Variants in ACACB observed in about 807,000 individuals in gnomAD.
ACACB encodes acetyl-CoA carboxylase beta.
In ACACB, 209 loss-of-function variants were observed where a neutral mutation model predicts 278.8. The ratio of observed to expected loss-of-function variants is 0.75; its 90% CI spans 0.67 to 0.84. The LOEUF is 0.84. Among genes scored for constraint, ACACB ranks in the 40% least tolerant of loss-of-function variants. The probability of loss-of-function intolerance (pLI) is 0.00; values close to 1 mark genes in which losing one functional copy is unlikely to be tolerated. For synonymous variants in ACACB, 1,174 were observed against 1,285.6 expected (o/e 0.91, Z 1.86); for missense variants, 2,850 against 3,269.0 (o/e 0.87, Z 3.13).
chr12:109,238,822 C>G (rs1296117277), intron 34 of ACACB, among the ~76,000 whole-genome samples: 1 of 151,946 alleles, frequency 6.6e-6, no homozygotes. Context: ...ACTTCGGCCT[C>G]CCAAAGTGCT....
chr12:109,263,916 AG>A (rs1317721643), intron 49 of ACACB: 2 of 258,378 alleles, frequency 7.7e-6, no homozygotes, highest in Non-Finnish European at 1.5e-5. Context: ...GAAAATGTAG[AG>A]TTGCATGTTG....
intron 6 of ACACB, 26 bp downstream of exon 6, chr12:109,172,382 T>TGGGAATTG: frequency 6.2e-7 from 1 of 1,606,316 alleles, no homozygotes; most frequent in Non-Finnish European, 8.5e-7. Flanking sequence ...ATCAGATACA[T>TGGGAATTG]GGGAATTGGG....
In ACACB at chr12:109,254,243, A is replaced by G; in HGVS notation, c.6075A>G (p.Thr2025=). The G allele has an allele frequency of 6.2e-7, 1 of 1,613,686 alleles. No individual in the cohort carries two copies. The highest frequency in any genetic ancestry group is 8.5e-7 in the Non-Finnish European group (1 of 1,179,842). Residue 2025 remains threonine (T), a synonymous_variant, in exon 44 of 53, where the codon ACA becomes ACG. Coordinates refer to ENST00000338432, the MANE Select transcript of ACACB (RefSeq NM_001093.4). ...ATCACAGCCCTGTCCCTATCATCAC[A>G]CCCACTGACCCCATTGACAGAGAAA... ...KDNHSPVPII[T]PTDPIDREIE...
At chr12:109,116,975 A>G (rs1314039348) in intron 1 of ACACB, among the ~76,000 whole-genome samples, 5 of 151,624 alleles carry the variant, frequency 3.3e-5, no homozygotes, top group Admixed American at 2.6e-4. Context: ...TTTATAAACA[A>G]TTCTGTTTTT....
chr12:109,199,432 T>C lies in ACACB; in HGVS notation c.2658T>C (p.Cys886=). Residue 886 remains cysteine (C), a synonymous_variant, in exon 18 of 53, where the codon TGT becomes TGC. Transcript: ENST00000338432. The stretch of plus-strand genomic sequence containing the variant: ...GAATTACCATCGGCAATAAGACGTG[T>C]GTGTTTGAGAAGGAGAACGATCCTA... The part of the protein sequence containing the change: ...SYRITIGNKT[C]VFEKENDPTV... 1.3e-6 allele frequency: 2 copies of C among 1,541,650 alleles called. No homozygotes were observed. The highest frequency in any genetic ancestry group is 1.9e-5 in the Admixed American group (1 of 51,392).
chr12:109,165,561 A>G (rs985929777), intron 2 of ACACB, among the ~76,000 whole-genome samples: 4 of 152,182 alleles, frequency 2.6e-5, no homozygotes, highest in Non-Finnish European at 5.9e-5. Context: ...TACAAGGAAC[A>G]CTAAGTAAAG....
In ACACB at chr12:109,256,250, CGG is replaced by C; in HGVS notation, c.6263+16_6263+17del. 6.2e-7 allele frequency: 1 copy of C among 1,609,852 alleles called. No individual in the cohort carries two copies. Among genetic ancestry groups the C allele is most frequent in the East Asian group, 2.2e-5 (1 of 44,804 alleles). On this transcript the variant is annotated intron_variant, in intron 45 of 52. Transcript: ENST00000338432. Reference sequence around the variant, plus strand: ...AGGACGAGCAAGGTAATCATGAAGACGGGAGCAGGCTGCCCATGTCTGACTCA... The same window carrying C: ...AGGACGAGCAAGGTAATCATGAAGACGAGCAGGCTGCCCATGTCTGACTCA...
At position 109,246,203 on chromosome 12, in the gene ACACB, A is replaced by G; in HGVS notation, c.5326A>G (p.Arg1776Gly). The G allele has an allele frequency of 6.2e-7, 1 of 1,612,368 alleles. No individual in the cohort carries two copies. Among genetic ancestry groups the G allele is most frequent in the East Asian group, 2.2e-5 (1 of 44,830 alleles). ...NEVGMVAFKM[R>G]FKTQEYPEGR... ...GGTGGGCATGGTGGCCTTCAAAATG[A>G]GGTTTAAGACCCAGGAGTACCCGGA... Residue 1776 changes from arginine (R) to glycine (G), a missense_variant, in exon 39 of 53, where the codon AGG (arginine) becomes GGG (glycine). Physicochemically the swap from Arg to Gly is moderately radical, Grantham distance 125. Coordinates refer to ENST00000338432, the MANE Select transcript of ACACB (RefSeq NM_001093.4).
chr12:109,264,120 G>A, intron 49 of ACACB, 112 bp from the exon 50 acceptor site: 2 of 1,264,184 alleles, frequency 1.6e-6, no homozygotes, highest in East Asian at 4.7e-5. Flanking sequence ...CACAAGGCAA[G>A]GCCTGTCCTG....
intron 48 of ACACB, among the ~76,000 whole-genome samples, chr12:109,261,218 A>G (rs910263351): frequency 6.6e-6 from 1 of 152,218 alleles, no homozygotes; most frequent in Admixed American, 6.5e-5. Context: ...TCAAGGCCTC[A>G]AGAGTCATTC....
chr12:109,216,219 CTTTT>C (rs1194453989), intron 22 of ACACB, among the ~76,000 whole-genome samples: 9 of 128,148 alleles, frequency 7.0e-5, no homozygotes, highest in African/African-American at 2.8e-5. Context: ...CTCTCTCTCT[CTTTT>C]TTTTTTTTTT....
At position 109,163,505 on chromosome 12, in the gene ACACB, T is replaced by C. The variant is rs1211642064; in HGVS notation, c.654-3356T>C. Among the ~76,000 whole-genome samples the C allele has an allele frequency of 3.3e-5, 5 of 151,674 alleles. No individual in the cohort carries two copies. In the East Asian group the frequency reaches 7.8e-4, roughly 24 times the overall value. The stretch of plus-strand genomic sequence containing the variant: ...AGGCTGAGAAAAATCAACCAGCAAG[T>C]AGAAGAAGAGAGAGAATAGGAGAGG... On this transcript the variant is annotated intron_variant, in intron 2 of 52. Coordinates refer to ENST00000338432, the MANE Select transcript of ACACB (RefSeq NM_001093.4).
intron 10 of ACACB, among the ~76,000 whole-genome samples, chr12:109,179,617 G>T (rs1222322692): frequency 6.6e-6 from 1 of 152,146 alleles, no homozygotes; most frequent in East Asian, 1.9e-4. Context: ...CTCCCAAGTA[G>T]CTGGGACTAC....
chr12:109,252,130 C>T lies in ACACB; in HGVS notation c.5875C>T (p.Leu1959Phe). 6.2e-7 allele frequency: 1 copy of T among 1,612,700 alleles called. No individual in the cohort carries two copies. The highest frequency in any genetic ancestry group is 1.3e-5 in the African/African-American group (1 of 75,008). The part of the protein sequence containing the change: ...VIQVENSHII[L>F]TGASALNKVL... ...CCAGGTGGAGAATTCCCACATCATC[C>T]TCACAGGAGCAAGTGCTCTCAACAA... The change falls in exon 42 of 53, where the codon CTC becomes TTC. Residue 1959 changes from leucine (L) to phenylalanine (F), a missense_variant. Leu to Phe is a conservative substitution (Grantham distance 22). This residue lies in a region of ACACB where 579 missense variants were observed against 684.6 expected (regional missense o/e 0.85). Transcript: ENST00000338432.
intron 4 of ACACB, among the ~76,000 whole-genome samples, chr12:109,170,672 A>C (rs2044080945): frequency 6.6e-6 from 1 of 152,198 alleles, no homozygotes; most frequent in Non-Finnish European, 1.5e-5. Context: ...GGAGTTGTTC[A>C]TGAGTATAGA....
intron 19 of ACACB, among the ~76,000 whole-genome samples, chr12:109,204,512 T>A (rs11065821): frequency 0.45 from 68,066 of 151,272 alleles, 16,595 homozygotes; most frequent in Middle Eastern, 0.66. Flanking sequence ...TGACCTCAGG[T>A]GATCCGCCCA....
rs1186508800 is a variant in ACACB, at chr12:109,260,120, C to T, written c.6497-360C>T. 2.9e-6 allele frequency: 4 copies of T among 1,377,778 alleles called. No homozygotes were observed. The South Asian group carries it at 3.4e-5, about 12-fold the overall frequency. 85.3% of individuals were successfully genotyped at this position (1,377,778 alleles called of 1,614,324 possible). A position where few individuals can be genotyped will look rare whatever the true frequency, so the allele number is the denominator to read the frequency against. On this transcript the variant is annotated intron_variant, in intron 47 of 52. Transcript: ENST00000338432. ...GGTGGAAGATAAGGGCCATGTTGCC[C>T]ATGCACATTGGGGAAGGATCAGTGT...
At chr12:109,239,193 C>T (rs1294029117) in intron 34 of ACACB, among the ~76,000 whole-genome samples, 2 of 152,156 alleles carry the variant, frequency 1.3e-5, no homozygotes, top group African/African-American at 4.8e-5. Context: ...GGATTATAGG[C>T]GTGAGCCACT....
intron 50 of ACACB, among the ~76,000 whole-genome samples, 180 bp from the exon 51 acceptor site, chr12:109,264,930 G>A (rs7301465): frequency 0.033 from 5,079 of 152,188 alleles, 269 homozygotes; most frequent in African/African-American, 0.12. Flanking sequence ...TCCTGGTGAC[G>A]TCCTGCCTCT....
Sources: gnomAD v4.1 joint callset for allele counts (sites outside exome capture counted in the v4.1 genomes callset) on GRCh38, gnomAD v4.1.1 for gene constraint, gnomAD v4.1.1 regional missense constraint, MANE v1.5 for transcripts, NCBI Gene and HGNC (gene_info 2026-07-23, HGNC 2026-07-21) for gene names.